Variants in ZNF79 observed in about 807,000 individuals in gnomAD.
ZNF79 encodes the protein zinc finger protein 79.
ZNF79 carries 13 observed loss-of-function variants against 14.9 expected under a neutral mutation model. The ratio of observed to expected loss-of-function variants is 0.87; its 90% confidence interval spans 0.57 to 1.38. The LOEUF is 1.38. ZNF79 is among the 40% of genes most tolerant of loss of function. ZNF79 has a pLI of 0.00. For synonymous variants in ZNF79, 223 were observed against 235.1 expected (o/e 0.95, Z 0.47); for missense variants, 631 against 630.6 (o/e 1.00, Z -0.01).
At chr9:127,441,609 C>T (rs1296482858) in intron 4 of ZNF79, among the ~76,000 whole-genome samples, 2 of 151,396 alleles carry the variant, frequency 1.3e-5, no homozygotes, top group Non-Finnish European at 2.9e-5. Flanking sequence ...GTCAGGAGTT[C>T]GAGACCAGCC....
At chr9:127,425,487 C>T (rs1420529562) in intron 1 of ZNF79, among the ~76,000 whole-genome samples, 1 of 152,162 alleles carries the variant, frequency 6.6e-6, no homozygotes, top group Non-Finnish European at 1.5e-5. Flanking sequence ...TGCTGTTCAC[C>T]CCTAGATCAA....
chr9:127,424,821 G>T lies in ZNF79; in HGVS notation c.16+18G>T. 6.2e-7 allele frequency: 1 copy of T among 1,613,860 alleles called. No individual in the cohort carries two copies. The highest frequency in any genetic ancestry group is 8.5e-7 in the Non-Finnish European group (1 of 1,179,944). On this transcript the variant is annotated intron_variant, in intron 1 of 4. Transcript: ENST00000342483. The stretch of plus-strand genomic sequence containing the variant: ...GGAAGGAGGTGAGGAGTGGTAGAGG[G>T]AGCGATTGTCAAGAGATCGGCTGCT...
Position 127,444,163 on chromosome 9 carries a change from C to A in ZNF79, c.463C>A (p.Pro155Thr), listed in dbSNP as rs147631403. ...CCTTGAGAAGAGCTTCAATCTGAGA[C>A]CAGTCCTCTCTCCGCAACAGAGAGT... The part of the protein sequence containing the change: ...SDLEKSFNLR[P>T]VLSPQQRVPV... Residue 155 changes from proline (P) to threonine (T), a missense_variant, in exon 5 of 5, where the codon CCA (proline) becomes ACA (threonine). Coordinates refer to ENST00000342483, the MANE Select transcript of ZNF79 (RefSeq NM_007135.3). The A allele has an allele frequency of 7.9e-5, 128 of 1,613,812 alleles. No individual in the cohort carries two copies. The highest frequency in any genetic ancestry group is 2.2e-4 in the Admixed American group (13 of 59,992).
Position 127,424,762 on chromosome 9 carries a change from A to T in ZNF79, c.-26A>T. ...CCCTTACGCCCAGAGAACTGCTGGG[A>T]GGCTGTGGCGCGAGGCGGGACTCAA... On this transcript the variant is annotated 5_prime_UTR_variant, in exon 1 of 5. Coordinates refer to ENST00000342483, the MANE Select transcript of ZNF79 (RefSeq NM_007135.3). 6.2e-7 allele frequency: 1 copy of T among 1,613,598 alleles called. No homozygotes were observed. Among genetic ancestry groups the T allele is most frequent in the African/African-American group, 1.3e-5 (1 of 74,940 alleles).
intron 4 of ZNF79, among the ~76,000 whole-genome samples, chr9:127,439,224 A>G (rs1270620234): frequency 3.3e-5 from 5 of 152,152 alleles, no homozygotes; most frequent in African/African-American, 1.2e-4. Context: ...ACACACACAT[A>G]TACACGTATA....
chr9:127,443,505 TAA>T (rs921823724), intron 4 of ZNF79, among the ~76,000 whole-genome samples: 12 of 152,340 alleles, frequency 7.9e-5, no homozygotes, highest in African/African-American at 2.9e-4. Context: ...GGCAGCGCAG[TAA>T]GTTTATTTAC....
intron 1 of ZNF79, among the ~76,000 whole-genome samples, chr9:127,428,198 C>T (rs989647389): frequency 6.6e-6 from 1 of 152,106 alleles, no homozygotes; most frequent in African/African-American, 2.4e-5. Context: ...CCAGGCTGGT[C>T]TCGAACTCCT....
rs142661397 is a variant in ZNF79, at chr9:127,444,016, AT to A, written c.329-4del. The A allele has an allele frequency of 0.45, 704,750 of 1,549,998 alleles. 166,493 individuals are homozygous for A. Among genetic ancestry groups the A allele is most frequent in the Non-Finnish European group, 0.49 (558,898 of 1,147,690 alleles). On this transcript the variant is annotated splice_polypyrimidine_tract_variant and intron_variant, in intron 4 of 4. Transcript: ENST00000342483. ...CACCAAGGGAACACAACAGCTTTTC[AT>A]TTTTTTTTCAGGCTGGAAGATTATA...
chr9:127,442,583 A>G (rs991785122), intron 4 of ZNF79, among the ~76,000 whole-genome samples: 1 of 152,084 alleles, frequency 6.6e-6, no homozygotes, highest in Non-Finnish European at 1.5e-5. Flanking sequence ...AACACTGTGC[A>G]CTTAGGCTAC....
chr9:127,445,233 A>G lies in ZNF79; in HGVS notation c.*36A>G. The G allele has an allele frequency of 6.3e-7, 1 of 1,599,376 alleles. No individual in the cohort carries two copies. The highest frequency in any genetic ancestry group is 2.2e-5 in the East Asian group (1 of 44,752). On this transcript the variant is annotated 3_prime_UTR_variant, in exon 5 of 5. Coordinates refer to ENST00000342483, the MANE Select transcript of ZNF79 (RefSeq NM_007135.3). ...GGTAGAAGTGGAGAGAGTCCCGGAC[A>G]TGCCGACTCAGGACAGGTGGGTGAG...
intron 1 of ZNF79, among the ~76,000 whole-genome samples, chr9:127,426,065 CAGA>C (rs971136698): frequency 4.6e-5 from 7 of 152,208 alleles, no homozygotes; most frequent in Non-Finnish European, 1.0e-4. Flanking sequence ...CTCTCAGTAA[CAGA>C]AGGTCTGTCC....
intron 2 of ZNF79, among the ~76,000 whole-genome samples, chr9:127,429,888 C>A (rs1006346104): frequency 6.6e-6 from 1 of 150,894 alleles, no homozygotes; most frequent in Non-Finnish European, 1.5e-5. Context: ...ACAATCTAGG[C>A]TCACTGCAAC....
intron 1 of ZNF79, 29 bp from the exon 2 acceptor site, chr9:127,428,803 A>G: frequency 6.5e-7 from 1 of 1,529,534 alleles, no homozygotes; most frequent in Non-Finnish European, 8.8e-7. Context: ...ACTGCTTTTA[A>G]CATTATTAGT....
intron 2 of ZNF79, among the ~76,000 whole-genome samples, chr9:127,432,884 T>C (rs1588071122): frequency 6.6e-6 from 1 of 152,364 alleles, no homozygotes; most frequent in South Asian, 2.1e-4. Context: ...CATTTATATC[T>C]TTATAATGGA....
At chr9:127,438,025 A>G (rs2131956402) in intron 4 of ZNF79, among the ~76,000 whole-genome samples, 1 of 152,260 alleles carries the variant, frequency 6.6e-6, no homozygotes, top group East Asian at 1.9e-4. Flanking sequence ...GCAGCAGTGT[A>G]GGGCAGTAGA....
chr9:127,429,172 C>T (rs1453053799), intron 2 of ZNF79, among the ~76,000 whole-genome samples: 1 of 152,120 alleles, frequency 6.6e-6, no homozygotes, highest in Non-Finnish European at 1.5e-5. Flanking sequence ...CATCACCACA[C>T]CCAGCTAATT....
In ZNF79 at chr9:127,444,733, TGCGCA is replaced by T. The variant is rs1435929162; in HGVS notation, c.1037_1041del (p.Ala346ValfsTer71). Reference sequence around the variant, plus strand: ...CGAGTGTGGGAAGGCCTTCAGTTACTGCGCAGCGTTCATTCAGCACCAGAGGATTC... The same window carrying T: ...CGAGTGTGGGAAGGCCTTCAGTTACTGCGTTCATTCAGCACCAGAGGATTC... On this transcript the variant is annotated frameshift_variant, in exon 5 of 5. Coordinates refer to ENST00000342483, the MANE Select transcript of ZNF79 (RefSeq NM_007135.3). LOFTEE classifies it low-confidence loss of function (END_TRUNC). The T allele has an allele frequency of 6.4e-7, 1 of 1,554,402 alleles. No homozygotes were observed. Among genetic ancestry groups the T allele is most frequent in the African/African-American group, 1.7e-5 (1 of 59,280 alleles).
At chr9:127,442,170 G>T (rs1246624806) in intron 4 of ZNF79, among the ~76,000 whole-genome samples, 1 of 151,634 alleles carries the variant, frequency 6.6e-6, no homozygotes, top group African/African-American at 2.4e-5. Flanking sequence ...GGAGGCCGAG[G>T]TGAGTGGATC....
chr9:127,433,104 G>C, intron 2 of ZNF79, among the ~76,000 whole-genome samples: 1 of 152,172 alleles, frequency 6.6e-6, no homozygotes, highest in Non-Finnish European at 1.5e-5. Context: ...TGTTTTAAAA[G>C]ATGACCCTCT....
Sources: allele counts gnomAD v4.1 joint callset (sites outside exome capture counted in the v4.1 genomes callset), GRCh38; gene constraint gnomAD v4.1.1; transcripts MANE v1.5; gene names NCBI Gene and HGNC (gene_info 2026-07-23, HGNC 2026-07-21).